ZRANB3: variants seen among roughly 807,000 people sequenced by gnomAD.
ZRANB3 encodes the protein zinc finger RANBP2-type containing 3.
A neutral mutation model predicts 133.8 loss-of-function variants in ZRANB3; 125 were observed. That is an observed-to-expected ratio of 0.93 (90% confidence interval 0.81 to 1.08). The LOEUF (loss-of-function observed/expected upper bound fraction) is 1.08. ZRANB3 is among the 50% of genes least tolerant of loss of function. The pLI, the probability that ZRANB3 is intolerant of heterozygous loss-of-function variation, is 0.00. For missense variants in ZRANB3, 1,229 were observed against 1,275.5 expected, an observed-to-expected ratio of 0.96 and a Z score of 0.56; for synonymous variants, 387 against 432.7, an observed-to-expected ratio of 0.89 and a Z score of 1.31.
intron 2 of ZRANB3, among the ~76,000 whole-genome samples, chr2:135,497,409 A>G (rs1056988182): frequency 6.6e-6 from 1 of 152,256 alleles, no homozygotes; most frequent in Admixed American, 6.5e-5. Context: ...GAGAAACAAA[A>G]CAAAGAATCT....
intron 15 of ZRANB3, 109 bp from the exon 16 acceptor site, chr2:135,219,287 G>A (rs1358538723): frequency 4.3e-6 from 3 of 701,728 alleles, no homozygotes; most frequent in Non-Finnish European, 4.4e-6. Flanking sequence ...TCTCCTAAAA[G>A]AAAAACTGAG....
chr2:135,473,013 A>G (rs1691343590), intron 2 of ZRANB3, among the ~76,000 whole-genome samples: 1 of 152,224 alleles, frequency 6.6e-6, no homozygotes, highest in Non-Finnish European at 1.5e-5. Flanking sequence ...TATTACTAGT[A>G]CAGCTGTACT....
At chr2:135,394,725 TACC>T (rs1450540502) in intron 2 of ZRANB3, among the ~76,000 whole-genome samples, 1 of 152,006 alleles carries the variant, frequency 6.6e-6, no homozygotes, top group Non-Finnish European at 1.5e-5. Context: ...TGTGTTTTTT[TACC>T]ACAAGGGAAA....
intron 3 of ZRANB3, among the ~76,000 whole-genome samples, chr2:135,371,863 C>G (rs968826845): frequency 1.3e-5 from 2 of 152,016 alleles, no homozygotes; most frequent in Admixed American, 1.3e-4. Context: ...CCCTCATGAA[C>G]CAGATCAGTG....
chr2:135,327,499 T>G (rs780916529), intron 6 of ZRANB3, among the ~76,000 whole-genome samples: 3 of 152,174 alleles, frequency 2.0e-5, no homozygotes, highest in Non-Finnish European at 4.4e-5. Context: ...AGTCAACTTC[T>G]TGATTTAGTA....
At chr2:135,417,966 G>T (rs886554124) in intron 2 of ZRANB3, among the ~76,000 whole-genome samples, 1 of 152,090 alleles carries the variant, frequency 6.6e-6, no homozygotes, top group African/African-American at 2.4e-5. Context: ...GTTGTGGGGT[G>T]GGGGAAGCGG....
chr2:135,521,804 A>G (rs1693952980), intron 1 of ZRANB3, among the ~76,000 whole-genome samples: 1 of 152,186 alleles, frequency 6.6e-6, no homozygotes, highest in South Asian at 2.1e-4. Context: ...CACCTTACTT[A>G]AATACCAGAT....
At chr2:135,437,590 C>T (rs1417742903) in intron 2 of ZRANB3, among the ~76,000 whole-genome samples, 1 of 151,974 alleles carries the variant, frequency 6.6e-6, no homozygotes, top group Non-Finnish European at 1.5e-5. Flanking sequence ...TGATGTGGGC[C>T]CTTTCTGCAC....
chr2:135,308,114 G>T (rs1164819481), intron 8 of ZRANB3, among the ~76,000 whole-genome samples: 1 of 152,130 alleles, frequency 6.6e-6, no homozygotes, highest in Non-Finnish European at 1.5e-5. Context: ...AGCCTTGGGG[G>T]TGGGACTTTC....
At chr2:135,323,714 A>C (rs1683654821) in intron 6 of ZRANB3, among the ~76,000 whole-genome samples, 1 of 152,146 alleles carries the variant, frequency 6.6e-6, no homozygotes, top group South Asian at 2.1e-4. Context: ...AATACTCAAT[A>C]AACTAGAATT....
chr2:135,504,691 T>C (rs1410539352), intron 1 of ZRANB3, among the ~76,000 whole-genome samples, 195 bp from the exon 2 acceptor site: 1 of 152,146 alleles, frequency 6.6e-6, no homozygotes, highest in Non-Finnish European at 1.5e-5. Flanking sequence ...AATTACTTAA[T>C]GCACTCTCTA....
intron 8 of ZRANB3, among the ~76,000 whole-genome samples, chr2:135,297,175 G>C (rs1041031734): frequency 6.6e-6 from 1 of 152,236 alleles, no homozygotes; most frequent in East Asian, 1.9e-4. Context: ...GCCCTCAGAG[G>C]TGGAGCCTAC....
intron 2 of ZRANB3, among the ~76,000 whole-genome samples, chr2:135,417,929 G>C (rs1386823405): frequency 1.3e-5 from 2 of 152,094 alleles, no homozygotes; most frequent in African/African-American, 2.4e-5. Context: ...ATGGACACAG[G>C]AAGGAGAACA....
intron 3 of ZRANB3, among the ~76,000 whole-genome samples, chr2:135,373,800 A>AGGGGG (rs1553481047): frequency 7.1e-5 from 1 of 14,168 alleles, no homozygotes; most frequent in Non-Finnish European, 1.6e-4. Context: ...AAGAAAAGAA[A>AGGGGG]GAGGGGAGGG....
At chr2:135,290,791 C>T (rs1179083175) in intron 8 of ZRANB3, among the ~76,000 whole-genome samples, 4 of 150,578 alleles carry the variant, frequency 2.7e-5, no homozygotes, top group South Asian at 2.1e-4. Flanking sequence ...GATCTTTTTG[C>T]GATGAATTTC....
chr2:135,259,504 C>T (rs185994502), intron 12 of ZRANB3, among the ~76,000 whole-genome samples: 14 of 152,250 alleles, frequency 9.2e-5, no homozygotes, highest in African/African-American at 3.4e-4. Context: ...GCACAACCTC[C>T]GCCTCCCGGG....
chr2:135,424,586 A>G (rs184856538), intron 2 of ZRANB3, among the ~76,000 whole-genome samples: 2 of 152,244 alleles, frequency 1.3e-5, no homozygotes, highest in Non-Finnish European at 2.9e-5. Flanking sequence ...TACAAAAATT[A>G]GCCGAGCATG....
At chr2:135,508,504 G>T (rs1444744183) in intron 1 of ZRANB3, among the ~76,000 whole-genome samples, 1 of 151,840 alleles carries the variant, frequency 6.6e-6, no homozygotes, top group Non-Finnish European at 1.5e-5. Flanking sequence ...TGTTTTAATA[G>T]GCACAAATAA....
At chr2:135,444,158 A>G (rs1656054475) in intron 2 of ZRANB3, among the ~76,000 whole-genome samples, 1 of 152,122 alleles carries the variant, frequency 6.6e-6, no homozygotes, top group Non-Finnish European at 1.5e-5. Context: ...GAACCGTCAT[A>G]TGTTGCCATA....
Sources: gnomAD v4.1 joint callset for allele counts (sites outside exome capture counted in the v4.1 genomes callset) on GRCh38, gnomAD v4.1.1 for gene constraint, MANE v1.5 for transcripts, NCBI Gene and HGNC (gene_info 2026-07-23, HGNC 2026-07-21) for gene names.